The following CDH23 variants were observed in gnomAD, a reference collection of about 807,000 sequenced individuals.
CDH23 encodes cadherin related 23, also known as cadherin-23.
A neutral mutation model predicts 317.1 loss-of-function variants in CDH23; 189 were observed. That is an observed-to-expected ratio of 0.60 (90% CI 0.53 to 0.67). The LOEUF (loss-of-function observed/expected upper bound fraction) is 0.67. Ranked by LOEUF, CDH23 falls within the 30% of genes least tolerant of loss-of-function variation. CDH23 has a pLI of 0.00. For missense variants in CDH23, 4,401 were observed against 4,592.4 expected (o/e 0.96, Z 1.20); for synonymous variants, 1,839 against 1,876.8 (o/e 0.98, Z 0.52).
chr10:71,738,336 C>A (rs1589387666), intron 34 of CDH23, among the ~76,000 whole-genome samples, 162 bp from the exon 35 acceptor site: 1 of 152,196 alleles, frequency 6.6e-6, no homozygotes, highest in Admixed American at 6.5e-5. Context: ...GGCCCAGGGC[C>A]TCCTTTGTAA....
In CDH23 at chr10:71,812,521, A is replaced by G. The variant is rs1841972923; in HGVS notation, c.9422A>G (p.Glu3141Gly). The change falls in exon 67 of 70, where the codon GAG (glutamate) becomes GGG (glycine). Residue 3141 changes from glutamate to glycine, a missense_variant. Glu to Gly is a moderately conservative substitution (Grantham distance 98). Transcript: ENST00000224721. ...VWLDPFCRNLELAAQAEHEDD... is the reference protein window; with the variant it reads ...VWLDPFCRNLGLAAQAEHEDD... ...CTGGATCCCTTCTGTCGGAACCTGG[A>G]GCTGGCCGCCCAGGCGGAGCATGAG... is the stretch of plus-strand genomic sequence containing the variant. The G allele has an allele frequency of 6.9e-7, 1 of 1,441,244 alleles. No homozygotes were observed. Among genetic ancestry groups the G allele is most frequent in the African/African-American group, 1.4e-5 (1 of 69,056 alleles). 89.3% of individuals were successfully genotyped at this position (1,441,244 alleles called of 1,614,324 possible). A position where few individuals can be genotyped will look rare whatever the true frequency, so the allele number is the denominator to read the frequency against.
In CDH23 at chr10:71,595,908, G is replaced by A. The variant is rs1206260393; in HGVS notation, c.832+17916G>A. On this transcript the variant is annotated intron_variant, in intron 9 of 69. Transcript: ENST00000224721. Reference sequence around the variant, plus strand: ...CCAGAGGTGACCACGTGACTCCAATGTCCCTCCTGTGAAATCCTTCTCTTT... The same window carrying A: ...CCAGAGGTGACCACGTGACTCCAATATCCCTCCTGTGAAATCCTTCTCTTT... 2.0e-5 allele frequency among the ~76,000 whole-genome samples: 3 copies of A among 152,194 alleles called. No homozygotes were observed. The East Asian group carries it at 5.8e-4, about 29-fold the overall frequency.
chr10:71,402,977 C>G (rs1847854077), intron 1 of CDH23, among the ~76,000 whole-genome samples: 1 of 152,010 alleles, frequency 6.6e-6, no homozygotes, highest in Admixed American at 6.6e-5. Context: ...AAAAAATTAG[C>G]CGAGCGTGGT....
intron 12 of CDH23, among the ~76,000 whole-genome samples, chr10:71,645,272 T>TTCACATTGCCAC (rs1862780281): frequency 6.6e-6 from 1 of 152,212 alleles, no homozygotes; most frequent in Non-Finnish European, 1.5e-5. Flanking sequence ...TCCCTGGCCA[T>TTCACATTGCCAC]TCACATTGCC....
At chr10:71,614,599 T>C (rs1055993362) in intron 9 of CDH23, among the ~76,000 whole-genome samples, 1 of 152,110 alleles carries the variant, frequency 6.6e-6, no homozygotes, top group Non-Finnish European at 1.5e-5. Flanking sequence ...AATAATCAAC[T>C]GGGGAACAGT....
intron 14 of CDH23, among the ~76,000 whole-genome samples, chr10:71,667,026 C>A (rs1000520158): frequency 6.6e-6 from 1 of 152,226 alleles, no homozygotes; most frequent in Admixed American, 6.5e-5. Flanking sequence ...CAAATTGTAC[C>A]GCGTGCCCTT....
intron 14 of CDH23, among the ~76,000 whole-genome samples, chr10:71,654,234 C>T (rs969040918): frequency 8.5e-5 from 13 of 152,166 alleles, no homozygotes; most frequent in Middle Eastern, 3.2e-3. Flanking sequence ...CTGCTGTCAC[C>T]ATCTTGAAAT....
intron 3 of CDH23, among the ~76,000 whole-genome samples, chr10:71,469,608 C>T (rs1447106029): frequency 8.2e-6 from 1 of 122,396 alleles, no homozygotes; most frequent in Non-Finnish European, 1.7e-5. Flanking sequence ...ATTTGTGTCC[C>T]CCCCTTGTTT....
intron 11 of CDH23, among the ~76,000 whole-genome samples, chr10:71,639,669 A>G (rs1862444007): frequency 6.6e-6 from 1 of 152,152 alleles, no homozygotes; most frequent in Non-Finnish European, 1.5e-5. Flanking sequence ...TTTCTCCAAG[A>G]AAAGGAGTGG....
chr10:71,567,314 T>C (rs540022563), intron 7 of CDH23, among the ~76,000 whole-genome samples: 1 of 152,212 alleles, frequency 6.6e-6, no homozygotes, highest in Non-Finnish European at 1.5e-5. Flanking sequence ...GCAGAGTGCC[T>C]CTTGCTCTCT....
rs757508152 is a variant in CDH23 at position 71,712,772 on chromosome 10, A to G, written c.3328A>G (p.Ser1110Gly). 23 of 1,613,042 alleles carry G rather than the reference A, an allele frequency of 1.4e-5. No individual in the cohort carries two copies. Among genetic ancestry groups the G allele is most frequent in the Admixed American group, 3.3e-5 (2 of 59,928 alleles). Residue 1110 changes from serine to glycine, a missense_variant, in exon 28 of 70, where the codon AGC (serine) becomes GGC (glycine). By Grantham distance (56) the Ser-to-Gly change is moderately conservative. Coordinates refer to ENST00000224721, the MANE Select transcript of CDH23 (RefSeq NM_022124.6). The part of the protein sequence containing the change: ...PIFLQSSYEA[S>G]VPEDIPEGHS... ...CTTTCTGCAGAGCAGCTATGAGGCC[A>G]GCGTCCCTGAGGACATCCCTGAAGG...
intron 9 of CDH23, among the ~76,000 whole-genome samples, chr10:71,585,966 G>A (rs527856589): frequency 4.6e-5 from 7 of 152,228 alleles, no homozygotes; most frequent in Non-Finnish European, 7.3e-5. Flanking sequence ...TCTGCGTCTC[G>A]TCTTCCCCAT....
chr10:71,481,469 G>C (rs1277423918), intron 3 of CDH23, among the ~76,000 whole-genome samples: 1 of 152,180 alleles, frequency 6.6e-6, no homozygotes, highest in Non-Finnish European at 1.5e-5. Flanking sequence ...CAGGGTTTGA[G>C]GCAGTGTCTA....
chr10:71,534,679 C>T (rs948133696), intron 6 of CDH23, among the ~76,000 whole-genome samples: 26 of 152,192 alleles, frequency 1.7e-4, no homozygotes, highest in Non-Finnish European at 2.1e-4. Context: ...CTGAAATGTT[C>T]GACCCCGTGA....
At chr10:71,516,558 T>C (rs993769524) in intron 6 of CDH23, among the ~76,000 whole-genome samples, 4 of 152,246 alleles carry the variant, frequency 2.6e-5, no homozygotes, top group African/African-American at 9.6e-5. Flanking sequence ...ACATAATTTA[T>C]TTCTATGGTG....
At chr10:71,791,369 C>A (rs934745365) in intron 47 of CDH23, 34 bp downstream of exon 47, 1 of 1,584,670 alleles carries the variant, frequency 6.3e-7, no homozygotes. Flanking sequence ...ACCCCACAAC[C>A]AGGGGCCGGT....
chr10:71,610,758 C>A (rs970290774), intron 9 of CDH23, among the ~76,000 whole-genome samples: 2 of 151,600 alleles, frequency 1.3e-5, no homozygotes, highest in African/African-American at 2.4e-5. Flanking sequence ...TCCTCCCAGC[C>A]TCTCTCTTGC....
At chr10:71,675,200 C>T (rs1864309654) in intron 15 of CDH23, 24 bp downstream of exon 15, 2 of 1,605,384 alleles carry the variant, frequency 1.2e-6, no homozygotes, top group Non-Finnish European at 1.7e-6. Flanking sequence ...CACAGCCCCT[C>T]AGGCCCCTCC....
chr10:71,603,272 C>G (rs1400144050), intron 9 of CDH23, among the ~76,000 whole-genome samples: 1 of 152,212 alleles, frequency 6.6e-6, no homozygotes, highest in Non-Finnish European at 1.5e-5. Context: ...TTAAGTGTCT[C>G]TCCCACTCCT....
Sources: allele counts gnomAD v4.1 joint callset (sites outside exome capture counted in the v4.1 genomes callset), GRCh38; gene constraint gnomAD v4.1.1; transcripts MANE v1.5; gene names NCBI Gene and HGNC (gene_info 2026-07-23, HGNC 2026-07-21).